The following MDN1 variants were observed in gnomAD, a reference collection of about 807,000 sequenced individuals.
MDN1 encodes the protein midasin AAA ATPase 1, also known as midasin.
Under a neutral mutation model 669.2 loss-of-function variants are expected in MDN1, and 266 were observed. The ratio of observed to expected loss-of-function variants is 0.40; its 90% CI spans 0.36 to 0.44. MDN1 has a LOEUF of 0.44. Ranked by LOEUF, MDN1 falls within the 20% of genes least tolerant of loss-of-function variation. The pLI, the probability that MDN1 is intolerant of heterozygous loss-of-function variation, is 1.00. For missense variants in MDN1, 5,940 were observed against 6,754.0 expected (o/e 0.88, Z 4.22); for synonymous variants, 2,385 against 2,457.1 (o/e 0.97, Z 0.87).
intron 30 of MDN1, 117 bp downstream of exon 30, chr6:89,743,459 T>C: frequency 7.3e-7 from 1 of 1,364,112 alleles, no homozygotes; most frequent in Non-Finnish European, 1.0e-6. Context: ...CCAGAGAAAA[T>C]CTGCAGATAT....
chr6:89,727,601 A>G (rs759610257), intron 37 of MDN1, among the ~76,000 whole-genome samples: 3 of 152,218 alleles, frequency 2.0e-5, no homozygotes, highest in Non-Finnish European at 4.4e-5. Flanking sequence ...TCTGAAGGAT[A>G]ACTTTAAACA....
At position 89,700,703 on chromosome 6, in the gene MDN1, G is replaced by T. The variant is rs756413388; in HGVS notation, c.8581C>A (p.Leu2861Ile). 2.5e-6 allele frequency: 4 copies of T among 1,614,070 alleles called. No homozygotes were observed. The South Asian group carries it at 4.4e-5, about 18-fold the overall frequency. Residue 2861 changes from leucine (L) to isoleucine (I), a missense_variant, in exon 56 of 102, where the codon CTC becomes ATC. This residue lies in a region of MDN1 where 2,292 missense variants were observed against 2,638.3 expected (regional missense o/e 0.87). Coordinates refer to ENST00000369393, the MANE Select transcript of MDN1 (RefSeq NM_014611.3). ...VASQWTLKKS[L>I]LQAWGLILRA... ...AGGATCAGTCCCCAGGCTTGCAGGA[G>T]ACTTTTCTTTAATGTCCACTGAGAA...
intron 40 of MDN1, among the ~76,000 whole-genome samples, chr6:89,721,482 T>C (rs1324463440): frequency 6.6e-6 from 1 of 152,054 alleles, no homozygotes; most frequent in African/African-American, 2.4e-5. Flanking sequence ...GTATGGAGAG[T>C]TGGCTTGACT....
intron 33 of MDN1, among the ~76,000 whole-genome samples, chr6:89,735,592 G>A (rs1182525270): frequency 1.3e-5 from 2 of 152,162 alleles, no homozygotes; most frequent in South Asian, 2.1e-4. Flanking sequence ...TATTACTACA[G>A]AGATTTGTGA....
chr6:89,713,920 C>T (rs978959133), intron 46 of MDN1, among the ~76,000 whole-genome samples: 3 of 151,760 alleles, frequency 2.0e-5, no homozygotes, highest in Non-Finnish European at 4.4e-5. Context: ...TGCCTGTAGT[C>T]CCAGCTACTC....
At chr6:89,670,807 C>T (rs1039915003) in intron 83 of MDN1, 112 bp downstream of exon 83, 2 of 1,219,906 alleles carry the variant, frequency 1.6e-6, no homozygotes, top group African/African-American at 3.0e-5. Flanking sequence ...GAGCAAATCA[C>T]ATCCTGCTAT....
At position 89,690,005 on chromosome 6, in the gene MDN1, A is replaced by G. The variant is rs1367361688; in HGVS notation, c.10888T>C (p.Leu3630=). ...AGGGATCGAGCAAAGTTGAGACACA[A>G]TTGCTGGTGTATCAGCATTACTGCC... ...MQAVMLIHQQ[L]CLNFARSLWY... Residue 3630 remains leucine, a synonymous_variant, in exon 65 of 102, where the codon TTG becomes CTG. Transcript: ENST00000369393. The G allele has an allele frequency of 4.3e-6, 7 of 1,614,200 alleles. No homozygotes were observed. The highest frequency in any genetic ancestry group is 1.6e-4 in the Middle Eastern group (1 of 6,062).
At chr6:89,794,047 G>GAA in intron 4 of MDN1, 53 bp downstream of exon 4, 275 of 1,093,764 alleles carry the variant, frequency 2.5e-4, no homozygotes, top group South Asian at 3.2e-4. Flanking sequence ...CCCCAGAAAA[G>GAA]AAAAAAAAAA....
rs1158561231 is a variant in MDN1 at position 89,740,218 on chromosome 6, A to G, written c.4593+16T>C. On this transcript the variant is annotated intron_variant, in intron 32 of 101. Coordinates refer to ENST00000369393, the MANE Select transcript of MDN1 (RefSeq NM_014611.3). Reference sequence around the variant, plus strand: ...GTCAAAACCTAGAAAGAAAATGTGCATCAGTAAAGTTTTACCTCCTTTTTT... The same window carrying G: ...GTCAAAACCTAGAAAGAAAATGTGCGTCAGTAAAGTTTTACCTCCTTTTTT... The G allele has an allele frequency of 1.2e-6, 2 of 1,610,314 alleles. No individual in the cohort carries two copies. Among genetic ancestry groups the G allele is most frequent in the Admixed American group, 1.7e-5 (1 of 59,082 alleles).
chr6:89,786,243 G>T (rs1262523811), intron 8 of MDN1, among the ~76,000 whole-genome samples: 1 of 151,948 alleles, frequency 6.6e-6, no homozygotes, highest in Non-Finnish European at 1.5e-5. Flanking sequence ...GGATGACAGA[G>T]TGAGACTCGG....
At chr6:89,736,261 C>T (rs898907755) in intron 33 of MDN1, among the ~76,000 whole-genome samples, 1 of 152,172 alleles carries the variant, frequency 6.6e-6, no homozygotes, top group Non-Finnish European at 1.5e-5. Context: ...TAAACAAGCT[C>T]CTTAAGGACA....
In MDN1 at chr6:89,781,427, T is replaced by C. The variant is rs745679447; in HGVS notation, c.1615A>G (p.Thr539Ala). Residue 539 changes from threonine to alanine, a missense_variant, in exon 10 of 102, where the codon ACC becomes GCC. Thr to Ala is a moderately conservative substitution (Grantham distance 58, BLOSUM62 0). This residue lies in a region of MDN1 where 1,203 missense variants were observed against 1,268.9 expected (regional missense o/e 0.95). Transcript: ENST00000369393. ...AGAGATAATTCTCTTCCCTCAAGGG[T>C]TGGTCTTTTGTTTTCTCTTCTGGCT... Reference protein sequence around the residue: ...SEARRENKRPTLEGRELSLRD... With the variant: ...SEARRENKRPALEGRELSLRD... 17 of 1,613,972 alleles carry C rather than the reference T, an allele frequency of 1.1e-5. No homozygotes were observed. In the African/African-American group the frequency reaches 1.2e-4, roughly 11 times the overall value.
intron 5 of MDN1, 49 bp downstream of exon 5, chr6:89,793,713 A>G: frequency 2.7e-6 from 4 of 1,480,772 alleles, no homozygotes; most frequent in African/African-American, 1.4e-5. Flanking sequence ...GAGCACACTC[A>G]GTGTTTAGTA....
At chr6:89,746,623 G>A (rs9444706) in intron 27 of MDN1, among the ~76,000 whole-genome samples, 18 of 34,296 alleles carry the variant, frequency 5.2e-4, no homozygotes, top group East Asian at 4.4e-3. Flanking sequence ...AAGAAAGAAA[G>A]AAAGAAAGAA....
chr6:89,653,278 T>G, intron 93 of MDN1, 123 bp from the exon 94 acceptor site: 1 of 952,204 alleles, frequency 1.1e-6, no homozygotes, highest in Non-Finnish European at 1.5e-6. Flanking sequence ...CCAACACATT[T>G]CCACATGTTG....
Position 89,686,964 on chromosome 6 carries a change from T to C in MDN1, c.11510A>G (p.His3837Arg). The C allele has an allele frequency of 6.2e-7, 1 of 1,613,956 alleles. No homozygotes were observed. The highest frequency in any genetic ancestry group is 8.5e-7 in the Non-Finnish European group (1 of 1,179,974). Residue 3837 changes from histidine to arginine, a missense_variant, in exon 69 of 102, where the codon CAC becomes CGC. By Grantham distance (29) the His-to-Arg change is conservative. Transcript: ENST00000369393. ...AAGCATCTGATAGATGGAGAACCAG[T>C]GCTTGGTGGATTTCTCGGTGTGGCG... ...MKRHTEKSTK[H>R]WFSIYQMLEK...
intron 9 of MDN1, 137 bp from the exon 10 acceptor site, chr6:89,781,729 A>T (rs915205696): frequency 4.7e-5 from 31 of 664,694 alleles, no homozygotes; most frequent in Non-Finnish European, 7.5e-5. Flanking sequence ...GGTAGCTCAC[A>T]CCTGTAATCC....
intron 35 of MDN1, among the ~76,000 whole-genome samples, chr6:89,730,265 G>A (rs758101589): frequency 6.6e-5 from 10 of 152,116 alleles, no homozygotes; most frequent in Non-Finnish European, 1.3e-4. Flanking sequence ...ATGACTGTGA[G>A]GCCTAAATGT....
At chr6:89,667,665 T>C (rs1810351109) in intron 84 of MDN1, among the ~76,000 whole-genome samples, 2 of 152,192 alleles carry the variant, frequency 1.3e-5, no homozygotes, top group African/African-American at 4.8e-5. Flanking sequence ...ATTTTGGCAT[T>C]ATTGTTTAAT....
Sources: allele counts gnomAD v4.1 joint callset (sites outside exome capture counted in the v4.1 genomes callset), GRCh38; gene constraint gnomAD v4.1.1; regional missense constraint gnomAD v4.1.1; transcripts MANE v1.5; gene names NCBI Gene and HGNC (gene_info 2026-07-23, HGNC 2026-07-21).